RPS6KA6: variants seen among roughly 807,000 people sequenced by gnomAD.
The protein encoded by RPS6KA6 is ribosomal protein S6 kinase A6, also known as ribosomal protein S6 kinase alpha-6.
In RPS6KA6, 27 loss-of-function variants were observed where a neutral mutation model predicts 65.4. The observed-to-expected ratio is 0.41, with a 90% CI of 0.30 to 0.57. RPS6KA6 has a LOEUF of 0.57. RPS6KA6 is among the 20% of genes least tolerant of loss of function. The pLI, the probability that RPS6KA6 is intolerant of heterozygous loss-of-function variation, is 0.24. For synonymous variants in RPS6KA6, 190 were observed against 184.2 expected (o/e 1.03, Z -0.26); for missense variants, 486 against 555.6 (o/e 0.87, Z 1.26).
chrX:84,177,826 G>A (rs756222250), intron 1 of RPS6KA6, among the ~76,000 whole-genome samples: 5 of 111,698 alleles, frequency 4.5e-5, no homozygotes, highest in East Asian at 5.6e-4. Flanking sequence ...ACAAGGTCTC[G>A]CTCTGTCACC....
chrX:84,120,365 T>C (rs767569051), intron 8 of RPS6KA6, among the ~76,000 whole-genome samples: 3 of 111,444 alleles, frequency 2.7e-5, no homozygotes, highest in South Asian at 7.4e-4. Flanking sequence ...AAAACAGAAA[T>C]AGTAACTTAT....
chrX:84,137,254 C>T (rs1275568725), intron 6 of RPS6KA6, among the ~76,000 whole-genome samples: 1 of 111,791 alleles, frequency 8.9e-6, no homozygotes, highest in Non-Finnish European at 1.9e-5. Flanking sequence ...CCAGTTAATA[C>T]TATATCATAA....
rs1026597039 is a variant in RPS6KA6 at position 84,063,114 on chromosome X, AT to A, written c.*1162del. On this transcript the variant is annotated 3_prime_UTR_variant, in exon 22 of 22. Transcript: ENST00000262752. ...ATTTGGCCAGTTTTTTATAAATATGATTTTAAAATGTGCTCAAATTTTTTGT... is the reference window on the plus strand; with the variant it reads ...ATTTGGCCAGTTTTTTATAAATATGATTTAAAATGTGCTCAAATTTTTTGT... The A allele has an allele frequency of 9.0e-6, 1 of 111,675 alleles. No individual in the cohort carries two copies. Among genetic ancestry groups the A allele is most frequent in the Non-Finnish European group, 1.9e-5 (1 of 53,039 alleles). 9.2% of individuals were successfully genotyped at this position (111,675 alleles called of 1,213,427 possible). A position where few individuals can be genotyped will look rare whatever the true frequency, so the allele number is the denominator to read the frequency against.
intron 12 of RPS6KA6, among the ~76,000 whole-genome samples, chrX:84,113,328 C>T (rs1021155429): frequency 1.1e-4 from 12 of 111,583 alleles, no homozygotes; most frequent in African/African-American, 3.3e-4. Context: ...CCGGTATCAT[C>T]CTGAGAGCAA....
Position 84,178,467 on chromosome X carries a change from GT to G in RPS6KA6, c.81+9351del, listed in dbSNP as rs749889137. Among the ~76,000 whole-genome samples, 4 of 111,722 alleles carry G rather than the reference GT, an allele frequency of 3.6e-5. No homozygotes were observed. The East Asian group carries it at 1.1e-3, about 31-fold the overall frequency. ...GAAAATATATCACAGAAATTATTTT[GT>G]TTTTTAACAAAGAATATTTCACTAA... On this transcript the variant is annotated intron_variant, in intron 1 of 21. Coordinates refer to ENST00000262752, the MANE Select transcript of RPS6KA6 (RefSeq NM_014496.5).
intron 20 of RPS6KA6, among the ~76,000 whole-genome samples, chrX:84,095,625 ATATAT>A (rs1300315429): frequency 1.5e-5 from 1 of 64,917 alleles, no homozygotes; most frequent in Admixed American, 2.0e-4. Context: ...AGTATTTTGG[ATATAT>A]TAGATTAAAC....
In RPS6KA6 at chrX:84,164,311, TTAACA is replaced by T. The variant is rs1160262350; in HGVS notation, c.141+12_141+16del. Reference sequence around the variant, plus strand: ...TATGCTAAAAATGTGGCTTAATAAATTAACATAAATACTTACATGACAAGAATCTG... The same window carrying T: ...TATGCTAAAAATGTGGCTTAATAAATTAAATACTTACATGACAAGAATCTG... On this transcript the variant is annotated intron_variant, in intron 2 of 21. Transcript: ENST00000262752. 2.6e-6 allele frequency: 3 copies of T among 1,141,726 alleles called. No individual in the cohort carries two copies. Among genetic ancestry groups the T allele is most frequent in the African/African-American group, 3.6e-5 (2 of 55,788 alleles). The allele number at this position is 1,141,726 out of a possible 1,213,427, so 94.1% of individuals were successfully genotyped here.
intron 2 of RPS6KA6, among the ~76,000 whole-genome samples, chrX:84,163,137 T>C (rs770004097): frequency 3.0e-4 from 33 of 111,603 alleles, no homozygotes; most frequent in South Asian, 7.4e-4. Flanking sequence ...CACAACCAAA[T>C]AGAAAAAGGA....
At chrX:84,174,680 C>T (rs868824720) in intron 1 of RPS6KA6, among the ~76,000 whole-genome samples, 4 of 111,733 alleles carry the variant, frequency 3.6e-5, no homozygotes, top group African/African-American at 9.7e-5. Context: ...CAAGACTCAA[C>T]GTTAACACTT....
At chrX:84,110,067 G>T (rs1162011492) in intron 12 of RPS6KA6, among the ~76,000 whole-genome samples, 5 of 111,730 alleles carry the variant, frequency 4.5e-5, no homozygotes, top group Non-Finnish European at 9.4e-5. Context: ...ACAAAGCTGT[G>T]TGTATTGGAC....
At position 84,134,805 on chromosome X, in the gene RPS6KA6, T is replaced by C; in HGVS notation, c.623A>G (p.Glu208Gly). ...ACCTGTTAATTTGATATGTCCTATT[T>C]CATCAAGCAAAATGCTGTAAATCAA... ...DLKPENILLD[E>G]IGHIKLTDFG... The change falls in exon 8 of 22, where the codon GAA becomes GGA. Residue 208 changes from glutamate to glycine, a missense_variant. Transcript: ENST00000262752. 8.8e-7 allele frequency: 1 copy of C among 1,139,395 alleles called. No individual in the cohort carries two copies. Among genetic ancestry groups the C allele is most frequent in the Non-Finnish European group, 1.2e-6 (1 of 848,838 alleles). The allele number at this position is 1,139,395 out of a possible 1,213,427, so 93.9% of individuals were successfully genotyped here.
intron 1 of RPS6KA6, among the ~76,000 whole-genome samples, chrX:84,171,416 G>C (rs947526620): frequency 2.7e-5 from 3 of 111,858 alleles, no homozygotes; most frequent in African/African-American, 9.8e-5. Flanking sequence ...ACTTTCCAGA[G>C]ACAAATTTTA....
rs755168490 is a variant in RPS6KA6 at position 84,150,988 on chromosome X, T to G, written c.259-2865A>C. On this transcript the variant is annotated intron_variant, in intron 3 of 21. Transcript: ENST00000262752. ...AGAGGATATATATAGGATATATATA[T>G]AGAGGATATATATAGAGAGGATATA... Among the ~76,000 whole-genome samples the G allele has an allele frequency of 1.0e-3, 91 of 87,910 alleles. 1 individual carries two copies. The highest frequency in any genetic ancestry group is 4.0e-3 in the Admixed American group (28 of 7,070). 76.3% of individuals were successfully genotyped at this position (87,910 alleles called of 115,157 possible). A position where few individuals can be genotyped will look rare whatever the true frequency, so the allele number is the denominator to read the frequency against.
At chrX:84,183,959 C>T (rs73232993) in intron 1 of RPS6KA6, among the ~76,000 whole-genome samples, 8,401 of 111,749 alleles carry the variant, frequency 0.075, 417 homozygotes, top group Admixed American at 0.25. Context: ...TTTCACATTA[C>T]AGCACTATGT....
rs753958472 is a variant in RPS6KA6, at chrX:84,117,364, A to G, written c.860+20T>C. On this transcript the variant is annotated intron_variant, in intron 10 of 21. Transcript: ENST00000262752. ...CAAGAGATTTTTTTCCCAAAAGAAA[A>G]ACATACTGTTTACACTTACTTTAAT... 15 of 1,032,840 alleles carry G rather than the reference A, an allele frequency of 1.5e-5. No individual in the cohort carries two copies. The South Asian group carries it at 2.4e-4, about 17-fold the overall frequency. The allele number at this position is 1,032,840 out of a possible 1,213,427, so 85.1% of individuals were successfully genotyped here. A position where few individuals can be genotyped will look rare whatever the true frequency, so the allele number is the denominator to read the frequency against.
intron 8 of RPS6KA6, among the ~76,000 whole-genome samples, chrX:84,131,686 A>G (rs2034900926): frequency 8.9e-6 from 1 of 112,226 alleles, no homozygotes; most frequent in African/African-American, 3.2e-5. Flanking sequence ...TAATTTGCTC[A>G]GCAATCAACT....
At chrX:84,096,123 C>T (rs2034152308) in intron 20 of RPS6KA6, 71 bp downstream of exon 20, 1 of 654,199 alleles carries the variant, frequency 1.5e-6, no homozygotes, top group Non-Finnish European at 2.5e-6. Context: ...TGCAAACACA[C>T]ACTAAGCTAT....
At chrX:84,186,948 G>A (rs1230113862) in intron 1 of RPS6KA6, 1 of 111,934 alleles carries the variant, frequency 8.9e-6, no homozygotes, top group East Asian at 2.8e-4. Flanking sequence ...AAGCACCTGT[G>A]TACATCTAAG....
At position 84,058,439 on chromosome X, in the gene RPS6KA6, A is replaced by G. The variant is rs2033245818; in HGVS notation, c.*5838T>C. 6 of 112,403 alleles carry G rather than the reference A, an allele frequency of 5.3e-5. No homozygotes were observed. The highest frequency in any genetic ancestry group is 3.2e-5 in the African/African-American group (1 of 30,962). 9.3% of individuals were successfully genotyped at this position (112,403 alleles called of 1,213,427 possible). ...GAACTGTTGCTCACAGAGTTTTAAC[A>G]AGAACAAAAATAAATATAACTTCTA... On this transcript the variant is annotated 3_prime_UTR_variant, in exon 22 of 22. Transcript: ENST00000262752.
Sources: gnomAD v4.1 joint callset for allele counts (sites outside exome capture counted in the v4.1 genomes callset) on GRCh38, gnomAD v4.1.1 for gene constraint, MANE v1.5 for transcripts, NCBI Gene and HGNC (gene_info 2026-07-23, HGNC 2026-07-21) for gene names.